The following DERA variants were observed in gnomAD, a reference collection of about 807,000 sequenced individuals.
The protein encoded by DERA is deoxyribose-phosphate aldolase, also known as 2-deoxy-D-ribose 5-phosphate aldolase.
In DERA, 15 loss-of-function variants were observed where a neutral mutation model predicts 41.1. The ratio of observed to expected loss-of-function variants is 0.37; its 90% CI spans 0.24 to 0.56. The LOEUF is 0.56. Among genes scored for constraint, DERA ranks in the 20% least tolerant of loss-of-function variants. The pLI is 0.81. For missense variants in DERA, 396 were observed against 403.4 expected (o/e 0.98, Z 0.16); for synonymous variants, 139 against 137.4 (o/e 1.01, Z -0.08).
intron 1 of DERA, among the ~76,000 whole-genome samples, chr12:15,944,339 CCAA>C (rs1487133224): frequency 6.6e-6 from 1 of 152,146 alleles, no homozygotes; most frequent in Non-Finnish European, 1.5e-5. Flanking sequence ...GTTTACACTC[CCAA>C]CAACAGTGTA....
intron 6 of DERA, among the ~76,000 whole-genome samples, chr12:16,007,686 G>A (rs1464129174): frequency 6.6e-6 from 1 of 152,166 alleles, no homozygotes; most frequent in Non-Finnish European, 1.5e-5. Flanking sequence ...GTCTCCCCAT[G>A]AAGGGCAGGC....
rs1490449487 is a variant in DERA at position 15,996,578 on chromosome 12, A to G, written c.637+14142A>G. Among the ~76,000 whole-genome samples, 1 of 151,972 alleles carries G rather than the reference A, an allele frequency of 6.6e-6. No individual in the cohort carries two copies. Among genetic ancestry groups the G allele is most frequent in the Non-Finnish European group, 1.5e-5 (1 of 68,020 alleles). On this transcript the variant is annotated intron_variant, in intron 6 of 8. Coordinates refer to ENST00000428559, the MANE Select transcript of DERA (RefSeq NM_015954.4). This position sits in a 1 kb window ranked among gnomAD's most constrained non-coding sequence, Gnocchi z 4.7. ...AACCAGTAATGTAATGGCCCACCTT[A>G]CTCAGTATGACCTTATCTTAACTAA... is the stretch of plus-strand genomic sequence containing the variant.
rs1555157061 is a variant in DERA, at chr12:15,998,064, G to A, written c.637+15628G>A. On this transcript the variant is annotated intron_variant, in intron 6 of 8. Coordinates refer to ENST00000428559, the MANE Select transcript of DERA (RefSeq NM_015954.4). This position sits in a 1 kb window ranked among gnomAD's most constrained non-coding sequence, Gnocchi z 4.8. ...GACAAATAACTAAAGTCAAAACACA[G>A]AGTCTAGAACAAGGTTCTCAACCTG... 1.3e-5 allele frequency among the ~76,000 whole-genome samples: 2 copies of A among 152,142 alleles called. No homozygotes were observed. The highest frequency in any genetic ancestry group is 4.8e-5 in the African/African-American group (2 of 41,432).
rs532949393 is a variant in DERA at position 15,940,285 on chromosome 12, G to C, written c.32-16651G>C. On this transcript the variant is annotated intron_variant, in intron 1 of 8. Coordinates refer to ENST00000428559, the MANE Select transcript of DERA (RefSeq NM_015954.4). This position sits in a 1 kb window ranked among gnomAD's most constrained non-coding sequence, Gnocchi z 5.1. ...GCATCTATGACTCTGCTATGAAACT[G>C]ATATTTTCTAGTATTTTTGGAGCCA... Among the ~76,000 whole-genome samples the C allele has an allele frequency of 5.3e-5, 8 of 152,188 alleles. No individual in the cohort carries two copies. In the South Asian group the frequency reaches 1.7e-3, roughly 32 times the overall value.
chr12:16,018,405 G>T (rs1165377103), intron 6 of DERA, among the ~76,000 whole-genome samples: 2 of 152,022 alleles, frequency 1.3e-5, no homozygotes, highest in African/African-American at 4.8e-5. Context: ...CGAATCATGA[G>T]GACAATGCAA....
chr12:16,005,175 G>A (rs969867073), intron 6 of DERA, among the ~76,000 whole-genome samples: 1 of 152,216 alleles, frequency 6.6e-6, no homozygotes, highest in African/African-American at 2.4e-5. Flanking sequence ...AAGCACAGTG[G>A]CTCATGCCTG....
At position 15,995,186 on chromosome 12, in the gene DERA, T is replaced by C. The variant is rs555341993; in HGVS notation, c.637+12750T>C. Among the ~76,000 whole-genome samples, 1 of 152,370 alleles carries C rather than the reference T, an allele frequency of 6.6e-6. No homozygotes were observed. The highest frequency in any genetic ancestry group is 2.4e-5 in the African/African-American group (1 of 41,590). On this transcript the variant is annotated intron_variant, in intron 6 of 8. Coordinates refer to ENST00000428559, the MANE Select transcript of DERA (RefSeq NM_015954.4). The surrounding 1 kb of genome is among the most constrained non-coding windows in gnomAD (Gnocchi z 5.1). Reference sequence around the variant, plus strand: ...TAGAGGCCCTGAATGAGATTGTATGTTGCACTTTACTTTTCTGTTGAGGGC... The same window carrying C: ...TAGAGGCCCTGAATGAGATTGTATGCTGCACTTTACTTTTCTGTTGAGGGC...
chr12:15,937,648 T>G (rs1466363570), intron 1 of DERA, among the ~76,000 whole-genome samples: 2 of 152,130 alleles, frequency 1.3e-5, no homozygotes, highest in African/African-American at 4.8e-5. Context: ...TGTTGTTAAA[T>G]TACATGTTTT....
At position 15,931,179 on chromosome 12, in the gene DERA, G is replaced by A. The variant is rs1011231774; in HGVS notation, c.31+19765G>A. On this transcript the variant is annotated intron_variant, in intron 1 of 8. Transcript: ENST00000428559. The surrounding 1 kb of genome is among the most constrained non-coding windows in gnomAD (Gnocchi z 4.6). ...TATTCTTGCAGTCACTCTAACTTGC[G>A]TGACTAGCACAACATCCAGCATAAA... is the stretch of plus-strand genomic sequence containing the variant. Among the ~76,000 whole-genome samples, 9 of 152,166 alleles carry A rather than the reference G, an allele frequency of 5.9e-5. No individual in the cohort carries two copies. The highest frequency in any genetic ancestry group is 1.7e-4 in the African/African-American group (7 of 41,448).
chr12:15,926,043 G>A (rs888527196), intron 1 of DERA, among the ~76,000 whole-genome samples: 11 of 151,238 alleles, frequency 7.3e-5, no homozygotes, highest in Non-Finnish European at 1.2e-4. Context: ...GGCTGGTCTC[G>A]AACTCCTGAC....
chr12:16,036,755 C>T lies in DERA; in HGVS notation c.*9C>T, dbSNP rs759309030. 3.8e-6 allele frequency: 6 copies of T among 1,573,932 alleles called. No individual in the cohort carries two copies. The highest frequency in any genetic ancestry group is 5.2e-6 in the Non-Finnish European group (6 of 1,161,142). The stretch of plus-strand genomic sequence containing the variant: ...ATCTTCCAATGTCTTAAATCAGTCA[C>T]CAGTTCCAGAAAAGTTCTTTACGAC... On this transcript the variant is annotated 3_prime_UTR_variant, in exon 9 of 9. Transcript: ENST00000428559. This position sits in a 1 kb window ranked among gnomAD's most constrained non-coding sequence, Gnocchi z 4.9.
chr12:15,962,789 C>T, intron 4 of DERA, 24 bp from the exon 5 acceptor site: 13 of 1,515,188 alleles, frequency 8.6e-6, no homozygotes, highest in Non-Finnish European at 1.2e-5. Context: ...CCTCTTTCTT[C>T]ATTTCCTTTC....
At position 16,021,035 on chromosome 12, in the gene DERA, C is replaced by T. The variant is rs1949014252; in HGVS notation, c.638-11507C>T. Among the ~76,000 whole-genome samples, 1 of 152,168 alleles carries T rather than the reference C, an allele frequency of 6.6e-6. No homozygotes were observed. Among genetic ancestry groups the T allele is most frequent in the Non-Finnish European group, 1.5e-5 (1 of 68,024 alleles). On this transcript the variant is annotated intron_variant, in intron 6 of 8. Coordinates refer to ENST00000428559, the MANE Select transcript of DERA (RefSeq NM_015954.4). The surrounding 1 kb of genome is among the most constrained non-coding windows in gnomAD (Gnocchi z 5.3). ...AGTTGGGAAAATTTGCAGCCTTTCC[C>T]TGTGGTAGAGAAGGAATTCAAGCAG...
rs190267179 is a variant in DERA at position 15,931,871 on chromosome 12, G to A, written c.31+20457G>A. ...TCCTTGTTTTTTCTTCTGTTGCTTC[G>A]TCTCTTGAGGAAGATCTTGTGAGTT... On this transcript the variant is annotated intron_variant, in intron 1 of 8. Coordinates refer to ENST00000428559, the MANE Select transcript of DERA (RefSeq NM_015954.4). The surrounding 1 kb of genome is among the most constrained non-coding windows in gnomAD (Gnocchi z 4.6). Among the ~76,000 whole-genome samples the A allele has an allele frequency of 1.1e-4, 16 of 152,176 alleles. No individual in the cohort carries two copies. In the South Asian group the frequency reaches 1.5e-3, roughly 14 times the overall value.
Position 15,976,143 on chromosome 12 carries a change from G to A in DERA, c.509-6165G>A, listed in dbSNP as rs1056167429. On this transcript the variant is annotated intron_variant, in intron 5 of 8. Transcript: ENST00000428559. This position sits in a 1 kb window ranked among gnomAD's most constrained non-coding sequence, Gnocchi z 4.1. ...CTCTATTACACTCCAGCATTGCATG[G>A]TTTATTCTTACTTTCCCCTTCCATA... is the stretch of plus-strand genomic sequence containing the variant. 2.6e-5 allele frequency among the ~76,000 whole-genome samples: 4 copies of A among 152,094 alleles called. No individual in the cohort carries two copies.
intron 5 of DERA, among the ~76,000 whole-genome samples, chr12:15,974,873 C>A (rs1948686844): frequency 6.6e-6 from 1 of 152,098 alleles, no homozygotes; most frequent in African/African-American, 2.4e-5. Flanking sequence ...TATTGAGGTC[C>A]TTCCCTCGCT....
Position 16,017,727 on chromosome 12 carries a change from T to A in DERA, c.638-14815T>A, listed in dbSNP as rs1948992612. ...CTTAATTTTTTTCCAAGTGTCCCATTGCAGATTGCAAGTATAAGTTAGTGT... is the reference window on the plus strand; with the variant it reads ...CTTAATTTTTTTCCAAGTGTCCCATAGCAGATTGCAAGTATAAGTTAGTGT... On this transcript the variant is annotated intron_variant, in intron 6 of 8. Coordinates refer to ENST00000428559, the MANE Select transcript of DERA (RefSeq NM_015954.4). This position sits in a 1 kb window ranked among gnomAD's most constrained non-coding sequence, Gnocchi z 5.5. 6.6e-6 allele frequency among the ~76,000 whole-genome samples: 1 copy of A among 152,230 alleles called. No individual in the cohort carries two copies. Among genetic ancestry groups the A allele is most frequent in the Non-Finnish European group, 1.5e-5 (1 of 68,028 alleles).
chr12:15,960,788 TGAG>T (rs1050306398), intron 4 of DERA, among the ~76,000 whole-genome samples: 27 of 151,320 alleles, frequency 1.8e-4, no homozygotes, highest in African/African-American at 6.6e-4. Flanking sequence ...TCTTAAAGGA[TGAG>T]GAGGAGTTCA....
Position 15,911,517 on chromosome 12 carries a change from G to C in DERA, c.31+103G>C. ...CCCAGTGCCCTGGCTGTGGGTCCCC[G>C]AGGGGTTTTCGCTGGGGCGGGAAGC... On this transcript the variant is annotated intron_variant, in intron 1 of 8. Transcript: ENST00000428559. The surrounding 1 kb of genome is among the most constrained non-coding windows in gnomAD (Gnocchi z 4.5). 16 of 1,209,810 alleles carry C rather than the reference G, an allele frequency of 1.3e-5. No individual in the cohort carries two copies. The highest frequency in any genetic ancestry group is 1.8e-5 in the Non-Finnish European group (16 of 893,614). 74.9% of individuals were successfully genotyped at this position (1,209,810 alleles called of 1,614,324 possible).
Sources: gnomAD v4.1 joint callset for allele counts (sites outside exome capture counted in the v4.1 genomes callset) on GRCh38, gnomAD v4.1.1 for gene constraint, Gnocchi (gnomAD v3.1) non-coding constraint, MANE v1.5 for transcripts, NCBI Gene and HGNC (gene_info 2026-07-23, HGNC 2026-07-21) for gene names.